LEMD3: variants seen among roughly 807,000 people sequenced by gnomAD.
The protein encoded by LEMD3 is LEM domain containing 3.
Under a neutral mutation model 95.2 loss-of-function variants are expected in LEMD3, and 33 were observed. The observed-to-expected ratio is 0.35, with a 90% confidence interval of 0.26 to 0.46. The LOEUF is 0.46. Ranked by LOEUF, LEMD3 falls within the 20% of genes least tolerant of loss-of-function variation. LEMD3 has a pLI of 1.00. For missense variants in LEMD3, 1,210 were observed against 1,192.8 expected, an observed-to-expected ratio of 1.01 and a Z score of -0.21; for synonymous variants, 525 against 474.6, an observed-to-expected ratio of 1.11 and a Z score of -1.38.
chr12:65,191,220 T>C (rs188003832), intron 1 of LEMD3, among the ~76,000 whole-genome samples: 4 of 152,064 alleles, frequency 2.6e-5, no homozygotes, highest in Non-Finnish European at 5.9e-5. Context: ...CGAAACACTT[T>C]AGGATTATAG....
chr12:65,245,018 T>G (rs1397068659), intron 10 of LEMD3, among the ~76,000 whole-genome samples: 3 of 152,006 alleles, frequency 2.0e-5, no homozygotes, highest in Non-Finnish European at 4.4e-5. Flanking sequence ...TTATTAACAA[T>G]AGAAAGAAAA....
rs1295358178 is a variant in LEMD3, at chr12:65,248,162, A to C, written c.*1837A>C. On this transcript the variant is annotated 3_prime_UTR_variant, in exon 13 of 13. Transcript: ENST00000308330. ...ATTATTGTAATATATACTATTATGC[A>C]GCTTATTTTACCTGAAACTGTTAAG... is the stretch of plus-strand genomic sequence containing the variant. 1 of 152,540 alleles carries C rather than the reference A, an allele frequency of 6.6e-6. No individual in the cohort carries two copies. The allele number at this position is 152,540 out of a possible 1,614,324, so 9.4% of individuals were successfully genotyped here.
At chr12:65,171,228 A>G in intron 1 of LEMD3, 110 bp downstream of exon 1, 3 of 1,559,152 alleles carry the variant, frequency 1.9e-6, no homozygotes, top group Middle Eastern at 1.7e-4. Flanking sequence ...AATATGGTTT[A>G]ACAGCAAAAA....
At chr12:65,198,688 C>T (rs1565786047) in intron 1 of LEMD3, among the ~76,000 whole-genome samples, 2 of 152,016 alleles carry the variant, frequency 1.3e-5, no homozygotes, top group Non-Finnish European at 1.5e-5. Flanking sequence ...TGCATATAAC[C>T]CATGCACATC....
rs147082719 is a variant in LEMD3 at position 65,170,405 on chromosome 12, C to T, written c.809C>T (p.Ala270Val). 22 of 1,613,970 alleles carry T rather than the reference C, an allele frequency of 1.4e-5. No individual in the cohort carries two copies. Among genetic ancestry groups the T allele is most frequent in the Admixed American group, 1.2e-4 (7 of 60,004 alleles). The change falls in exon 1 of 13, where the codon GCC becomes GTC. Residue 270 changes from alanine (A) to valine (V), a missense_variant. Around this residue, in one of 2 missense-constraint regions of LEMD3, gnomAD observed 749 missense variants for 622.9 expected, o/e 1.20. Coordinates refer to ENST00000308330, the MANE Select transcript of LEMD3 (RefSeq NM_014319.5). Reference sequence around the variant, plus strand: ...GAGGAAGAGGACGACGACGACGTGGCCTCCAGCAGACAGGTATTAAAGGAC... The same window carrying T: ...GAGGAAGAGGACGACGACGACGTGGTCTCCAGCAGACAGGTATTAAAGGAC... ...DSEEEDDDDVASSRQVLKDDS... is the reference protein window; with the variant it reads ...DSEEEDDDDVVSSRQVLKDDS...
intron 1 of LEMD3, among the ~76,000 whole-genome samples, chr12:65,186,775 TTAAG>T (rs1203871726): frequency 1.3e-5 from 2 of 151,594 alleles, no homozygotes; most frequent in East Asian, 1.9e-4. Flanking sequence ...AACACAGGAG[TTAAG>T]TAAGTAAAAA....
chr12:65,175,497 T>A (rs1868690025), intron 1 of LEMD3, among the ~76,000 whole-genome samples: 1 of 152,186 alleles, frequency 6.6e-6, no homozygotes. Flanking sequence ...CTTCTTCAAG[T>A]CACCAGTTAC....
intron 1 of LEMD3, among the ~76,000 whole-genome samples, chr12:65,196,191 G>T (rs1350342972): frequency 6.6e-6 from 1 of 151,830 alleles, no homozygotes; most frequent in Non-Finnish European, 1.5e-5. Context: ...GCAGAGGATG[G>T]GGTGGGGTGG....
intron 1 of LEMD3, among the ~76,000 whole-genome samples, chr12:65,206,475 A>C (rs1462565991): frequency 1.3e-5 from 2 of 152,190 alleles, no homozygotes; most frequent in Non-Finnish European, 2.9e-5. Context: ...CACCTGGACA[A>C]GTAGGCACTT....
intron 1 of LEMD3, among the ~76,000 whole-genome samples, chr12:65,197,285 G>C (rs1474336960): frequency 6.6e-6 from 1 of 152,112 alleles, no homozygotes. Context: ...TAGCCAAGTA[G>C]AATGGTTGTG....
At chr12:65,237,364 T>C (rs112777107) in intron 4 of LEMD3, among the ~76,000 whole-genome samples, 21 of 152,214 alleles carry the variant, frequency 1.4e-4, no homozygotes, top group African/African-American at 2.7e-4. Context: ...CACATTGATA[T>C]GTAGTCAAAA....
intron 4 of LEMD3, among the ~76,000 whole-genome samples, chr12:65,236,181 C>A (rs934290859): frequency 1.3e-5 from 2 of 152,158 alleles, no homozygotes; most frequent in Admixed American, 1.3e-4. Flanking sequence ...TAGGACACTT[C>A]TTAGAAAAAT....
rs867906839 is a variant in LEMD3, at chr12:65,228,852, C to T, written c.1696-9650C>T. 2.6e-5 allele frequency among the ~76,000 whole-genome samples: 4 copies of T among 152,128 alleles called. No individual in the cohort carries two copies. The South Asian group carries it at 8.3e-4, about 32-fold the overall frequency. ...TTGTGTTGGGAACATTCAAAATTTG[C>T]TCTTTTAGCTATTTGAAAATATATA... On this transcript the variant is annotated intron_variant, in intron 4 of 12. Transcript: ENST00000308330.
intron 4 of LEMD3, among the ~76,000 whole-genome samples, chr12:65,238,138 G>C (rs1470014): frequency 0.032 from 4,838 of 152,114 alleles, 182 homozygotes; most frequent in African/African-American, 0.089. Flanking sequence ...AGCTGGGCCT[G>C]GTAGCTGATG....
chr12:65,239,363 A>G (rs1180113543), intron 6 of LEMD3, among the ~76,000 whole-genome samples: 2 of 152,048 alleles, frequency 1.3e-5, no homozygotes, highest in African/African-American at 4.8e-5. Context: ...CAGCCTGGGA[A>G]GCATAGACCC....
At chr12:65,188,366 A>T (rs1869131159) in intron 1 of LEMD3, among the ~76,000 whole-genome samples, 2 of 152,186 alleles carry the variant, frequency 1.3e-5, no homozygotes, top group South Asian at 4.1e-4. Context: ...TGAGCAAAGG[A>T]TGATTTATGA....
At chr12:65,214,153 C>T (rs1303039297) in intron 2 of LEMD3, among the ~76,000 whole-genome samples, 1 of 152,076 alleles carries the variant, frequency 6.6e-6, no homozygotes, top group Non-Finnish European at 1.5e-5. Flanking sequence ...CAACCTCCAC[C>T]TCCTGGGTTC....
intron 4 of LEMD3, among the ~76,000 whole-genome samples, chr12:65,224,434 A>C (rs1161653870): frequency 6.6e-6 from 1 of 152,182 alleles, no homozygotes; most frequent in Non-Finnish European, 1.5e-5. Context: ...ATGGTCTGAA[A>C]ATATTAAATG....
At chr12:65,179,479 T>C (rs1361202318) in intron 1 of LEMD3, among the ~76,000 whole-genome samples, 1 of 152,170 alleles carries the variant, frequency 6.6e-6, no homozygotes, top group Non-Finnish European at 1.5e-5. Context: ...ATTATATAGT[T>C]TGTAAGTTGT....
Sources: gnomAD v4.1 joint callset for allele counts (sites outside exome capture counted in the v4.1 genomes callset) on GRCh38, gnomAD v4.1.1 for gene constraint, gnomAD v4.1.1 regional missense constraint, MANE v1.5 for transcripts, NCBI Gene and HGNC (gene_info 2026-07-23, HGNC 2026-07-21) for gene names.